Variants in PIP4K2A observed in about 807,000 individuals in gnomAD.
PIP4K2A encodes phosphatidylinositol-5-phosphate 4-kinase type 2 alpha.
Under a neutral mutation model 42.9 loss-of-function variants are expected in PIP4K2A, and 14 were observed. The observed-to-expected ratio is 0.33, with a 90% CI of 0.22 to 0.51. The LOEUF is 0.51. Ranked by LOEUF, PIP4K2A falls within the 20% of genes least tolerant of loss-of-function variation. PIP4K2A has a pLI of 0.97. For synonymous variants in PIP4K2A, 192 were observed against 192.2 expected, an observed-to-expected ratio of 1.00 and a Z score of 0.01; for missense variants, 434 against 519.8, an observed-to-expected ratio of 0.83 and a Z score of 1.61.
intron 6 of PIP4K2A, among the ~76,000 whole-genome samples, chr10:22,551,471 A>T (rs1040374717): frequency 2.6e-4 from 40 of 152,374 alleles, no homozygotes; most frequent in Non-Finnish European, 5.9e-5. Context: ...AACTGCACTT[A>T]TGGCAACCAA....
intron 1 of PIP4K2A, among the ~76,000 whole-genome samples, chr10:22,664,048 C>CATATAT (rs1554807162): frequency 2.6e-5 from 2 of 76,832 alleles, no homozygotes; most frequent in Admixed American, 1.3e-4. Context: ...TATATATATA[C>CATATAT]ATATGTATAT....
At chr10:22,704,003 G>A (rs1833762874) in intron 1 of PIP4K2A, among the ~76,000 whole-genome samples, 1 of 152,168 alleles carries the variant, frequency 6.6e-6, no homozygotes, top group South Asian at 2.1e-4. Context: ...AAATCAAGAG[G>A]CCTGCTTGGG....
chr10:22,676,468 A>G (rs1384952455), intron 1 of PIP4K2A, among the ~76,000 whole-genome samples: 1 of 152,116 alleles, frequency 6.6e-6, no homozygotes, highest in Non-Finnish European at 1.5e-5. Context: ...ATAGCATTTA[A>G]TGTAGATATG....
intron 1 of PIP4K2A, among the ~76,000 whole-genome samples, chr10:22,682,317 A>C (rs1202481150): frequency 6.6e-6 from 1 of 152,234 alleles, no homozygotes; most frequent in Non-Finnish European, 1.5e-5. Flanking sequence ...CCTAGCAACT[A>C]TCAGGCCTAC....
At chr10:22,621,150 A>C (rs887160832) in intron 1 of PIP4K2A, among the ~76,000 whole-genome samples, 3 of 152,248 alleles carry the variant, frequency 2.0e-5, no homozygotes, top group African/African-American at 7.2e-5. Context: ...AGCCACGTGC[A>C]GATGACATCA....
chr10:22,688,570 A>C (rs1839803623), intron 1 of PIP4K2A, among the ~76,000 whole-genome samples: 1 of 152,134 alleles, frequency 6.6e-6, no homozygotes, highest in Non-Finnish European at 1.5e-5. Flanking sequence ...CTCCCACCTC[A>C]GCCTCCCGAG....
intron 1 of PIP4K2A, among the ~76,000 whole-genome samples, chr10:22,648,826 A>G (rs996553369): frequency 1.3e-5 from 2 of 152,250 alleles, no homozygotes; most frequent in Non-Finnish European, 1.5e-5. Context: ...AATTTGGCCA[A>G]TGAATACTAG....
intron 1 of PIP4K2A, among the ~76,000 whole-genome samples, chr10:22,617,080 G>T (rs1239711797): frequency 1.3e-5 from 2 of 152,178 alleles, no homozygotes; most frequent in Admixed American, 6.5e-5. Flanking sequence ...CTCAGAAAAG[G>T]TACCTTGATT....
At chr10:22,576,759 A>C (rs1837133722) in intron 4 of PIP4K2A, among the ~76,000 whole-genome samples, 1 of 152,016 alleles carries the variant, frequency 6.6e-6, no homozygotes, top group Admixed American at 6.6e-5. Flanking sequence ...AAACCTCAAA[A>C]CCCCCTCATC....
At chr10:22,570,813 A>T (rs1836966169) in intron 5 of PIP4K2A, among the ~76,000 whole-genome samples, 1 of 152,086 alleles carries the variant, frequency 6.6e-6, no homozygotes, top group African/African-American at 2.4e-5. Flanking sequence ...CAGTGGCAAC[A>T]GTGGGTATTA....
intron 3 of PIP4K2A, among the ~76,000 whole-genome samples, chr10:22,602,560 T>C (rs1452789397): frequency 6.6e-6 from 1 of 152,162 alleles, no homozygotes; most frequent in Non-Finnish European, 1.5e-5. Flanking sequence ...TGTTTCTTGC[T>C]ATTTTAACAT....
At chr10:22,674,043 T>A (rs1258838206) in intron 1 of PIP4K2A, among the ~76,000 whole-genome samples, 1 of 152,228 alleles carries the variant, frequency 6.6e-6, no homozygotes, top group Non-Finnish European at 1.5e-5. Context: ...TGTGTTTTTT[T>A]AACCCCATTG....
chr10:22,553,813 T>TAC (rs1489638234), intron 6 of PIP4K2A, among the ~76,000 whole-genome samples: 3 of 108,606 alleles, frequency 2.8e-5, no homozygotes, highest in Non-Finnish European at 3.8e-5. Flanking sequence ...TTTTTTTTTT[T>TAC]ACAAAAACTT....
intron 1 of PIP4K2A, among the ~76,000 whole-genome samples, chr10:22,630,001 G>A (rs1236232940): frequency 6.6e-6 from 1 of 152,124 alleles, no homozygotes; most frequent in Admixed American, 6.5e-5. Flanking sequence ...CTAGCTACAA[G>A]ATGCTCTCTG....
intron 1 of PIP4K2A, among the ~76,000 whole-genome samples, chr10:22,669,443 CAT>C (rs936328180): frequency 6.6e-6 from 1 of 151,986 alleles, no homozygotes; most frequent in Non-Finnish European, 1.5e-5. Context: ...TTAAGCAACA[CAT>C]GACTATGCAT....
At position 22,536,220 on chromosome 10, in the gene PIP4K2A, G is replaced by C. The variant is rs757144513; in HGVS notation, c.*981C>G. The C allele has an allele frequency of 2.5e-6, 1 of 397,772 alleles. No individual in the cohort carries two copies. Among genetic ancestry groups the C allele is most frequent in the Non-Finnish European group, 4.4e-6 (1 of 225,748 alleles). 24.6% of individuals were successfully genotyped at this position (397,772 alleles called of 1,614,324 possible). ...ATCTGCATTTGGTAACAGGAGAATTGAGAGTTTTGATGCTTTGCTGGTTTT... is the reference window on the plus strand; with the variant it reads ...ATCTGCATTTGGTAACAGGAGAATTCAGAGTTTTGATGCTTTGCTGGTTTT... On this transcript the variant is annotated 3_prime_UTR_variant, in exon 10 of 10. Coordinates refer to ENST00000376573, the MANE Select transcript of PIP4K2A (RefSeq NM_005028.5).
intron 6 of PIP4K2A, chr10:22,567,463 T>G: frequency 2.4e-6 from 1 of 412,400 alleles, no homozygotes; most frequent in South Asian, 2.0e-5. Flanking sequence ...AGAAATGTAT[T>G]CAGGGTCACA....
At chr10:22,614,539 T>C (rs912819076) in intron 1 of PIP4K2A, among the ~76,000 whole-genome samples, 1 of 152,164 alleles carries the variant, frequency 6.6e-6, no homozygotes, top group Non-Finnish European at 1.5e-5. Flanking sequence ...CTTCGTCAGG[T>C]GGTAGCTAGA....
At chr10:22,623,209 A>T (rs1426996476) in intron 1 of PIP4K2A, among the ~76,000 whole-genome samples, 2 of 152,090 alleles carry the variant, frequency 1.3e-5, no homozygotes, top group Non-Finnish European at 2.9e-5. Context: ...TTTGTCTATG[A>T]AACTCACTGA....
Sources: allele counts gnomAD v4.1 joint callset (sites outside exome capture counted in the v4.1 genomes callset), GRCh38; gene constraint gnomAD v4.1.1; transcripts MANE v1.5; gene names NCBI Gene and HGNC (gene_info 2026-07-23, HGNC 2026-07-21).